The following CPNE5 variants were observed in gnomAD, a reference collection of about 807,000 sequenced individuals.
The protein encoded by CPNE5 is copine-5.
A neutral mutation model predicts 81.1 loss-of-function variants in CPNE5; 42 were observed. That is an observed-to-expected ratio of 0.52 (90% confidence interval 0.40 to 0.67). CPNE5 has a LOEUF of 0.67. Among genes scored for constraint, CPNE5 ranks in the 30% least tolerant of loss-of-function variants. The pLI is 0.00. For synonymous variants in CPNE5, 313 were observed against 321.5 expected (o/e 0.97, Z 0.28); for missense variants, 612 against 815.5 (o/e 0.75, Z 3.04).
At chr6:36,783,100 T>G (rs1420534584) in intron 8 of CPNE5, among the ~76,000 whole-genome samples, 1 of 152,182 alleles carries the variant, frequency 6.6e-6, no homozygotes, top group East Asian at 1.9e-4. Flanking sequence ...CACCTCATAC[T>G]AGGGTGAACC....
chr6:36,813,459 A>C (rs1260911372), intron 3 of CPNE5, among the ~76,000 whole-genome samples: 1 of 152,198 alleles, frequency 6.6e-6, no homozygotes, highest in Non-Finnish European at 1.5e-5. Flanking sequence ...TGAACCCGGG[A>C]GGCAGAGGTT....
At chr6:36,777,899 C>T (rs1009500429) in intron 9 of CPNE5, among the ~76,000 whole-genome samples, 2 of 152,054 alleles carry the variant, frequency 1.3e-5, no homozygotes, top group Non-Finnish European at 2.9e-5. Context: ...CTTTATTCTT[C>T]CCTGCTTCCC....
At chr6:36,754,289 C>T (rs1377121518) in intron 13 of CPNE5, 1 of 151,864 alleles carries the variant, frequency 6.6e-6, no homozygotes, top group Non-Finnish European at 1.5e-5. Context: ...ATTCCAACCC[C>T]CAGGATGAAG....
rs991928513 is a variant in CPNE5, at chr6:36,765,424, G to A, written c.738-48C>T. 95 of 1,610,322 alleles carry A rather than the reference G, an allele frequency of 5.9e-5. No homozygotes were observed. In the Admixed American group the frequency reaches 1.3e-3, roughly 22 times the overall value. On this transcript the variant is annotated intron_variant, in intron 10 of 20. Coordinates refer to ENST00000244751, the MANE Select transcript of CPNE5 (RefSeq NM_020939.2). Reference sequence around the variant, plus strand: ...GGGATGGGCCCAACCCCACACCCACGTGGCTGAGGATGGGGCCCTCTTCAT... The same window carrying A: ...GGGATGGGCCCAACCCCACACCCACATGGCTGAGGATGGGGCCCTCTTCAT...
At chr6:36,832,604 G>A (rs954471895) in intron 1 of CPNE5, among the ~76,000 whole-genome samples, 8 of 151,922 alleles carry the variant, frequency 5.3e-5, no homozygotes, top group African/African-American at 1.7e-4. Flanking sequence ...ATACAAAGAC[G>A]ACTGGGTCCT....
intron 17 of CPNE5, 44 bp downstream of exon 17, chr6:36,745,344 C>T (rs1764026929): frequency 6.3e-7 from 1 of 1,582,254 alleles, no homozygotes. Flanking sequence ...GGTGTGGAAA[C>T]AGAGGCCTTG....
chr6:36,839,432 C>A lies in CPNE5; in HGVS notation c.-55G>T. ...TCAATCCCTGCGCGATTCACGCCTC[C>A]TCCGGAGCGACTGGAGCCCTGGGCT... is the stretch of plus-strand genomic sequence containing the variant. On this transcript the variant is annotated 5_prime_UTR_variant, in exon 1 of 21. The change creates a new upstream start codon in the 5' untranslated region. Coordinates refer to ENST00000244751, the MANE Select transcript of CPNE5 (RefSeq NM_020939.2). This position sits in a 1 kb window ranked among gnomAD's most constrained non-coding sequence, Gnocchi z 7.3. 1 of 1,432,906 alleles carries A rather than the reference C, an allele frequency of 7.0e-7. No individual in the cohort carries two copies. The highest frequency in any genetic ancestry group is 9.5e-7 in the Non-Finnish European group (1 of 1,056,148). The allele number at this position is 1,432,906 out of a possible 1,614,324, so 88.8% of individuals were successfully genotyped here.
At chr6:36,768,210 A>ACT (rs977571946) in intron 10 of CPNE5, among the ~76,000 whole-genome samples, 7 of 83,958 alleles carry the variant, frequency 8.3e-5, no homozygotes, top group Non-Finnish European at 1.8e-4. Flanking sequence ...GGCTTTGACT[A>ACT]CTCTATTCAC....
At chr6:36,776,004 C>G (rs933969424) in intron 9 of CPNE5, among the ~76,000 whole-genome samples, 2 of 152,206 alleles carry the variant, frequency 1.3e-5, no homozygotes, top group African/African-American at 2.4e-5. Flanking sequence ...AAGACCCTTT[C>G]TGCTTTTCCC....
chr6:36,792,156 C>A, intron 7 of CPNE5, 60 bp from the exon 8 acceptor site: 1 of 1,523,916 alleles, frequency 6.6e-7, no homozygotes, highest in Non-Finnish European at 9.1e-7. Context: ...ATAAACCTGA[C>A]ACTCCCTCAA....
chr6:36,779,851 ACT>A (rs1382965435), intron 8 of CPNE5, among the ~76,000 whole-genome samples: 6 of 149,706 alleles, frequency 4.0e-5, no homozygotes, highest in Admixed American at 2.0e-4. Context: ...CAATTTGAAA[ACT>A]CTGCATCCTG....
chr6:36,820,316 C>CTTCCT lies in CPNE5; in HGVS notation c.183+1793_183+1797dup, dbSNP rs1165607690. On this transcript the variant is annotated intron_variant, in intron 3 of 20. Coordinates refer to ENST00000244751, the MANE Select transcript of CPNE5 (RefSeq NM_020939.2). ...GCCTTGGCAGCCTCTGTAGGCCCAG[C>CTTCCT]TTCCTTTCCTAATCCATTCTTTTTT... Among the ~76,000 whole-genome samples, 4 of 148,786 alleles carry CTTCCT rather than the reference C, an allele frequency of 2.7e-5. No homozygotes were observed. In the East Asian group the frequency reaches 7.9e-4, roughly 30 times the overall value.
In CPNE5 at chr6:36,742,908, G is replaced by T. The variant is rs913322640; in HGVS notation, c.1564-422C>A. 3.0e-6 allele frequency: 3 copies of T among 985,214 alleles called. No homozygotes were observed. In the African/African-American group the frequency reaches 5.2e-5, roughly 17 times the overall value. 61.0% of individuals were successfully genotyped at this position (985,214 alleles called of 1,614,324 possible). A position where few individuals can be genotyped will look rare whatever the true frequency, so the allele number is the denominator to read the frequency against. ...CTCTCTTCGTTCCTTTTCTCTCTGG[G>T]GCTAATCTGGCCAATGCCTAATGCC... On this transcript the variant is annotated intron_variant, in intron 20 of 20. Transcript: ENST00000244751.
intron 3 of CPNE5, among the ~76,000 whole-genome samples, chr6:36,815,065 G>A (rs959674923): frequency 2.6e-5 from 4 of 151,904 alleles, no homozygotes; most frequent in Admixed American, 2.0e-4. Flanking sequence ...GGCTGAGGCA[G>A]GAGAATCACT....
At chr6:36,799,601 G>A (rs1189213754) in intron 4 of CPNE5, among the ~76,000 whole-genome samples, 2 of 152,172 alleles carry the variant, frequency 1.3e-5, no homozygotes, top group East Asian at 3.8e-4. Context: ...CGCTTAGATG[G>A]AGGAAGCAGC....
intron 3 of CPNE5, among the ~76,000 whole-genome samples, chr6:36,817,604 T>C (rs1278936090): frequency 6.6e-6 from 1 of 152,204 alleles, no homozygotes; most frequent in Non-Finnish European, 1.5e-5. Context: ...CTCCTCTGTC[T>C]GTGCTGGACA....
At chr6:36,748,321 AG>A (rs1764416487) in intron 14 of CPNE5, 54 bp from the exon 15 acceptor site, 20 of 1,530,194 alleles carry the variant, frequency 1.3e-5, no homozygotes, top group Non-Finnish European at 1.7e-5. Context: ...GGGCTGTGGG[AG>A]GGGGGACAGT....
Position 36,746,626 on chromosome 6 carries a change from A to G in CPNE5, c.1019-49T>C. 6.4e-7 allele frequency: 1 copy of G among 1,551,026 alleles called. No individual in the cohort carries two copies. Among genetic ancestry groups the G allele is most frequent in the Non-Finnish European group, 8.7e-7 (1 of 1,150,316 alleles). Reference sequence around the variant, plus strand: ...TTTGACCATCTGGACCCTCCAAGTCACCCCGGGTTCAGAATGAAGAAGGGG... The same window carrying G: ...TTTGACCATCTGGACCCTCCAAGTCGCCCCGGGTTCAGAATGAAGAAGGGG... On this transcript the variant is annotated intron_variant, in intron 15 of 20. Coordinates refer to ENST00000244751, the MANE Select transcript of CPNE5 (RefSeq NM_020939.2). The surrounding 1 kb of genome is among the most constrained non-coding windows in gnomAD (Gnocchi z 4.5).
At chr6:36,815,488 C>T (rs1771460974) in intron 3 of CPNE5, among the ~76,000 whole-genome samples, 1 of 152,194 alleles carries the variant, frequency 6.6e-6, no homozygotes, top group African/African-American at 2.4e-5. Context: ...GTGTGTTCAT[C>T]CCTCCCACCA....
Sources: gnomAD v4.1 joint callset for allele counts (sites outside exome capture counted in the v4.1 genomes callset) on GRCh38, gnomAD v4.1.1 for gene constraint, Gnocchi (gnomAD v3.1) non-coding constraint, MANE v1.5 for transcripts, NCBI Gene and HGNC (gene_info 2026-07-23, HGNC 2026-07-21) for gene names.